ADCY8: variants seen among roughly 807,000 people sequenced by gnomAD.
ADCY8 encodes adenylate cyclase 8, also known as adenylate cyclase type 8.
Under a neutral mutation model 119.7 loss-of-function variants are expected in ADCY8, and 51 were observed. That is an observed-to-expected ratio of 0.43 (90% confidence interval 0.34 to 0.54). The LOEUF is 0.54. Ranked by LOEUF, ADCY8 falls within the 20% of genes least tolerant of loss-of-function variation. The pLI, the probability that ADCY8 is intolerant of heterozygous loss-of-function variation, is 0.03. For synonymous variants in ADCY8, 665 were observed against 651.0 expected, an observed-to-expected ratio of 1.02 and a Z score of -0.33; for missense variants, 1,383 against 1,598.8, an observed-to-expected ratio of 0.87 and a Z score of 2.30.
chr8:130,816,856 T>C (rs1182779868), intron 13 of ADCY8, among the ~76,000 whole-genome samples: 4 of 152,244 alleles, frequency 2.6e-5, no homozygotes, highest in Admixed American at 6.5e-5. Context: ...TAAATTTCTT[T>C]AATTATGTCT....
In ADCY8 at chr8:130,780,514, A is replaced by T. The variant is rs1398739480; in HGVS notation, c.3632T>A (p.Leu1211Gln). ...QSLNRQRQKQLLNENNNTGII... is the reference protein window; with the variant it reads ...QSLNRQRQKQQLNENNNTGII... The stretch of plus-strand genomic sequence containing the variant: ...TCCTGTGTTGTTGTTCTCATTGAGT[A>T]GCTGCTTCTGCCTTTGCCTATTGAG... Residue 1211 changes from leucine to glutamine, a missense_variant, in exon 18 of 18, where the codon CTA becomes CAA. This residue lies in a region of ADCY8 where 928 missense variants were observed against 1,163.5 expected (regional missense o/e 0.80). Transcript: ENST00000286355. The T allele has an allele frequency of 8.7e-6, 14 of 1,614,142 alleles. No homozygotes were observed. The highest frequency in any genetic ancestry group is 1.2e-5 in the Non-Finnish European group (14 of 1,180,020).
rs575125291 is a variant in ADCY8 at position 130,991,314 on chromosome 8, C to A, written c.961-772G>T. On this transcript the variant is annotated intron_variant, in intron 1 of 17. Coordinates refer to ENST00000286355, the MANE Select transcript of ADCY8 (RefSeq NM_001115.3). Reference sequence around the variant, plus strand: ...CTCATGCAGTGTGTGGTAGCTATAACTCCAGTAGAAAATGCAGGTGGCTTA... The same window carrying A: ...CTCATGCAGTGTGTGGTAGCTATAAATCCAGTAGAAAATGCAGGTGGCTTA... 2.0e-4 allele frequency among the ~76,000 whole-genome samples: 30 copies of A among 152,306 alleles called. 1 individual carries two copies. Among genetic ancestry groups the A allele is most frequent in the Admixed American group, 1.7e-3 (26 of 15,296 alleles).
intron 5 of ADCY8, among the ~76,000 whole-genome samples, chr8:130,922,118 A>G (rs1164040016): frequency 6.6e-6 from 1 of 151,888 alleles, no homozygotes; most frequent in Non-Finnish European, 1.5e-5. Flanking sequence ...TTTCACAGCG[A>G]GTCTCCAGCA....
At chr8:130,975,917 T>A (rs1049961165) in intron 2 of ADCY8, among the ~76,000 whole-genome samples, 1 of 152,202 alleles carries the variant, frequency 6.6e-6, no homozygotes, top group African/African-American at 2.4e-5. Context: ...TGAAAATTAC[T>A]TTTATACTAT....
chr8:131,010,754 G>T (rs77923368), intron 1 of ADCY8, among the ~76,000 whole-genome samples: 2,408 of 152,276 alleles, frequency 0.016, 30 homozygotes, highest in Non-Finnish European at 0.025. Flanking sequence ...GTGTCACTAG[G>T]TTTAAAGTTA....
chr8:130,935,918 A>G (rs145242528), intron 5 of ADCY8, among the ~76,000 whole-genome samples: 153 of 152,268 alleles, frequency 1.0e-3, no homozygotes, highest in African/African-American at 3.5e-3. Flanking sequence ...TTTCCATGGT[A>G]TGCTCTGATT....
chr8:130,861,582 C>A (rs1024394274), intron 9 of ADCY8, among the ~76,000 whole-genome samples: 1 of 151,936 alleles, frequency 6.6e-6, no homozygotes, highest in Non-Finnish European at 1.5e-5. Flanking sequence ...TTGGTGGGTC[C>A]TTTGGGATTT....
At chr8:131,013,245 T>C (rs1313882378) in intron 1 of ADCY8, among the ~76,000 whole-genome samples, 1 of 152,080 alleles carries the variant, frequency 6.6e-6, no homozygotes, top group East Asian at 1.9e-4. Flanking sequence ...GGGGAAAACC[T>C]CTGGGGATGA....
At chr8:131,007,316 AAG>A (rs1213621106) in intron 1 of ADCY8, among the ~76,000 whole-genome samples, 1 of 152,174 alleles carries the variant, frequency 6.6e-6, no homozygotes, top group Admixed American at 6.5e-5. Context: ...TCCAAGGTGA[AAG>A]AGGTAGGTCC....
intron 8 of ADCY8, among the ~76,000 whole-genome samples, chr8:130,882,398 T>G (rs926379456): frequency 1.3e-5 from 2 of 152,156 alleles, no homozygotes; most frequent in Non-Finnish European, 2.9e-5. Context: ...CTAGAACCCT[T>G]TCCTACTTAG....
At chr8:130,926,348 A>G (rs1400081750) in intron 5 of ADCY8, among the ~76,000 whole-genome samples, 1 of 151,678 alleles carries the variant, frequency 6.6e-6, no homozygotes, top group Non-Finnish European at 1.5e-5. Flanking sequence ...TTAAAAGGCT[A>G]CTGTGCAAAC....
chr8:130,892,660 T>C (rs1376316928), intron 7 of ADCY8: 1 of 152,260 alleles, frequency 6.6e-6, no homozygotes, highest in African/African-American at 2.4e-5. Flanking sequence ...GCCTCACCTC[T>C]TGCTTCAGTT....
At chr8:130,823,110 C>T (rs531499828) in intron 12 of ADCY8, among the ~76,000 whole-genome samples, 1 of 152,140 alleles carries the variant, frequency 6.6e-6, no homozygotes, top group Non-Finnish European at 1.5e-5. Flanking sequence ...ATACAGAAGA[C>T]TTTAAGCCCA....
chr8:130,836,812 C>A (rs1817003683), intron 11 of ADCY8, among the ~76,000 whole-genome samples: 1 of 152,152 alleles, frequency 6.6e-6, no homozygotes, highest in African/African-American at 2.4e-5. Flanking sequence ...CGGCTTACTG[C>A]AACCTCCTCC....
chr8:130,808,157 T>C (rs1489435408), intron 14 of ADCY8, among the ~76,000 whole-genome samples: 3 of 152,180 alleles, frequency 2.0e-5, no homozygotes, highest in Non-Finnish European at 4.4e-5. Context: ...CACTATGTTA[T>C]ATATTTATTT....
chr8:130,943,532 A>G, intron 3 of ADCY8, 70 bp from the exon 4 acceptor site: 2 of 902,230 alleles, frequency 2.2e-6, no homozygotes, highest in Admixed American at 2.0e-5. Context: ...CTTGGGATAC[A>G]CATCAACACC....
chr8:130,962,118 A>G (rs959413888), intron 2 of ADCY8, among the ~76,000 whole-genome samples: 13 of 152,238 alleles, frequency 8.5e-5, no homozygotes, highest in African/African-American at 2.9e-4. Context: ...GCCTCCAGCC[A>G]GTTGTGCTAC....
chr8:130,845,568 G>A (rs73716644), intron 11 of ADCY8, among the ~76,000 whole-genome samples: 20,695 of 152,050 alleles, frequency 0.14, 2,097 homozygotes, highest in African/African-American at 0.29. Flanking sequence ...CTCTCCAAAA[G>A]TTGAGACATT....
chr8:131,006,475 T>C (rs1823121962), intron 1 of ADCY8, among the ~76,000 whole-genome samples: 1 of 152,154 alleles, frequency 6.6e-6, no homozygotes, highest in African/African-American at 2.4e-5. Flanking sequence ...TTCAAGTTTA[T>C]TTACTCTGGC....
Sources: allele counts gnomAD v4.1 joint callset (sites outside exome capture counted in the v4.1 genomes callset), GRCh38; gene constraint gnomAD v4.1.1; regional missense constraint gnomAD v4.1.1; transcripts MANE v1.5; gene names NCBI Gene and HGNC (gene_info 2026-07-23, HGNC 2026-07-21).